The following ARFGEF3 variants were observed in gnomAD, a reference collection of about 807,000 sequenced individuals.
The protein encoded by ARFGEF3 is ARFGEF family member 3, also known as brefeldin A-inhibited guanine nucleotide-exchange protein 3.
ARFGEF3 carries 96 observed loss-of-function variants against 221.7 expected under a neutral mutation model. That is an observed-to-expected ratio of 0.43 (90% CI 0.37 to 0.51). The LOEUF (loss-of-function observed/expected upper bound fraction) is 0.51. Among genes scored for constraint, ARFGEF3 ranks in the 20% least tolerant of loss-of-function variants. The pLI, the probability that ARFGEF3 is intolerant of heterozygous loss-of-function variation, is 0.00. For synonymous variants in ARFGEF3, 1,145 were observed against 1,126.8 expected, an observed-to-expected ratio of 1.02 and a Z score of -0.32; for missense variants, 2,410 against 2,789.9, an observed-to-expected ratio of 0.86 and a Z score of 3.07.
chr6:138,254,243 C>G (rs990848072), intron 9 of ARFGEF3, among the ~76,000 whole-genome samples: 2 of 151,710 alleles, frequency 1.3e-5, no homozygotes, highest in Non-Finnish European at 2.9e-5. Flanking sequence ...ATGATGAAAC[C>G]TCGTCTCTCC....
At chr6:138,279,961 G>A in intron 13 of ARFGEF3, 38 bp from the exon 14 acceptor site, 1 of 1,605,870 alleles carries the variant, frequency 6.2e-7, no homozygotes, top group Non-Finnish European at 8.5e-7. Flanking sequence ...AGTGAGCAGG[G>A]TGTTATGTGG....
chr6:138,163,303 G>A (rs972408392), intron 1 of ARFGEF3, among the ~76,000 whole-genome samples: 5 of 152,136 alleles, frequency 3.3e-5, no homozygotes, highest in East Asian at 1.9e-4. Flanking sequence ...TATTGTCTAG[G>A]AAGTTTGTCT....
intron 5 of ARFGEF3, among the ~76,000 whole-genome samples, chr6:138,233,146 G>A (rs938157875): frequency 1.8e-4 from 28 of 152,064 alleles, no homozygotes; most frequent in African/African-American, 6.8e-4. Flanking sequence ...TAGGGAATAT[G>A]TCACTTTTTC....
At chr6:138,194,431 T>C (rs1055763216) in intron 2 of ARFGEF3, among the ~76,000 whole-genome samples, 1 of 152,214 alleles carries the variant, frequency 6.6e-6, no homozygotes, top group African/African-American at 2.4e-5. Context: ...GGCAGGGTGC[T>C]AACTCCAGAT....
At position 138,190,638 on chromosome 6, in the gene ARFGEF3, A is replaced by G. The variant is rs117165673; in HGVS notation, c.138-16404A>G. On this transcript the variant is annotated intron_variant, in intron 2 of 33. Transcript: ENST00000251691. Reference sequence around the variant, plus strand: ...AAGAGTGAAGGGTACAGATTTTTCTATCTTCTGGAGCCCACGTTCCTGCCC... The same window carrying G: ...AAGAGTGAAGGGTACAGATTTTTCTGTCTTCTGGAGCCCACGTTCCTGCCC... 4.1e-3 allele frequency among the ~76,000 whole-genome samples: 617 copies of G among 152,310 alleles called. 3 individuals are homozygous for G. The highest frequency in any genetic ancestry group is 0.017 in the East Asian group (90 of 5,178).
At chr6:138,318,126 C>G (rs1274370515) in intron 27 of ARFGEF3, among the ~76,000 whole-genome samples, 8 of 152,142 alleles carry the variant, frequency 5.3e-5, no homozygotes, top group Non-Finnish European at 1.2e-4. Context: ...GATACCGTTT[C>G]AAAATCTATA....
rs1464469896 is a variant in ARFGEF3 at position 138,334,893 on chromosome 6, T to C, written c.6047T>C (p.Met2016Thr). Residue 2016 changes from methionine to threonine, a missense_variant, in exon 33 of 34, where the codon ATG becomes ACG. Transcript: ENST00000251691. The surrounding 1 kb of genome is among the most constrained non-coding windows in gnomAD (Gnocchi z 5.1). ...AATGCGGGGAACAAAATCTACACCA[T>C]GGCAGCCGACAAGACCATTTCAAAG... is the stretch of plus-strand genomic sequence containing the variant. ...WENAGNKIYT[M>T]AADKTISKLM... 1 of 1,591,822 alleles carries C rather than the reference T, an allele frequency of 6.3e-7. No homozygotes were observed. The highest frequency in any genetic ancestry group is 2.3e-5 in the East Asian group (1 of 43,770).
chr6:138,328,657 T>C (rs1780168461), intron 32 of ARFGEF3, among the ~76,000 whole-genome samples: 1 of 151,930 alleles, frequency 6.6e-6, no homozygotes, highest in Admixed American at 6.6e-5. Flanking sequence ...GACTTCAACA[T>C]AGGAATTTGG....
intron 4 of ARFGEF3, among the ~76,000 whole-genome samples, chr6:138,211,087 C>T (rs186769444): frequency 6.6e-6 from 1 of 152,146 alleles, no homozygotes. Flanking sequence ...CCTTGATTTC[C>T]TTGTGTGTAA....
intron 2 of ARFGEF3, among the ~76,000 whole-genome samples, chr6:138,184,323 A>T (rs1012779511): frequency 6.6e-6 from 1 of 152,158 alleles, no homozygotes; most frequent in Non-Finnish European, 1.5e-5. Context: ...TCTTATGAAG[A>T]TTACATAAGA....
At chr6:138,303,219 C>T (rs1583057827) in intron 22 of ARFGEF3, among the ~76,000 whole-genome samples, 1 of 151,902 alleles carries the variant, frequency 6.6e-6, no homozygotes, top group Non-Finnish European at 1.5e-5. Flanking sequence ...ATCCCTAGGG[C>T]AGCAACCAAG....
intron 12 of ARFGEF3, among the ~76,000 whole-genome samples, chr6:138,269,315 C>A (rs1398688376): frequency 6.6e-6 from 1 of 152,246 alleles, no homozygotes; most frequent in Non-Finnish European, 1.5e-5. Context: ...GACTACACAA[C>A]CAGGAAGGCA....
At chr6:138,327,874 A>T (rs1780154775) in intron 31 of ARFGEF3, 147 bp from the exon 32 acceptor site, 1 of 618,386 alleles carries the variant, frequency 1.6e-6, no homozygotes, top group Admixed American at 3.0e-5. Flanking sequence ...CATATCAATT[A>T]ACTCTCTCAA....
intron 32 of ARFGEF3, among the ~76,000 whole-genome samples, chr6:138,332,149 A>C (rs1312223433): frequency 6.6e-6 from 1 of 152,206 alleles, no homozygotes; most frequent in Non-Finnish European, 1.5e-5. Flanking sequence ...TCATGCCTTC[A>C]CCAGACTGAT....
intron 22 of ARFGEF3, among the ~76,000 whole-genome samples, chr6:138,302,707 C>T (rs1779648763): frequency 6.6e-6 from 1 of 152,170 alleles, no homozygotes; most frequent in African/African-American, 2.4e-5. Flanking sequence ...ATGCTGACTT[C>T]TTCAGAAAGA....
At chr6:138,323,637 A>AC (rs199863494) in intron 29 of ARFGEF3, 34 bp from the exon 30 acceptor site, 26 of 1,584,492 alleles carry the variant, frequency 1.6e-5, no homozygotes, top group African/African-American at 1.1e-4. Flanking sequence ...AACAACAACA[A>AC]AAAAAAAACT....
At chr6:138,251,502 A>G (rs773302155) in intron 8 of ARFGEF3, among the ~76,000 whole-genome samples, 29 of 152,166 alleles carry the variant, frequency 1.9e-4, no homozygotes, top group Non-Finnish European at 3.8e-4. Flanking sequence ...CTCGTAAAGC[A>G]AACAAATTGA....
At chr6:138,204,915 T>C (rs1202187451) in intron 2 of ARFGEF3, among the ~76,000 whole-genome samples, 1 of 152,180 alleles carries the variant, frequency 6.6e-6, no homozygotes, top group Non-Finnish European at 1.5e-5. Context: ...TGACCATGGC[T>C]TGCATGGGGA....
chr6:138,290,018 A>G lies in ARFGEF3; in HGVS notation c.3047+50A>G, dbSNP rs369023024. On this transcript the variant is annotated intron_variant, in intron 18 of 33. Coordinates refer to ENST00000251691, the MANE Select transcript of ARFGEF3 (RefSeq NM_020340.5). ...GATGGCACTAACCCTGCCTTGGGAA[A>G]CCTGGAGTGGGCTGTGGCAGGTGGA... 41 of 1,562,504 alleles carry G rather than the reference A, an allele frequency of 2.6e-5. 1 individual carries two copies. In the East Asian group the frequency reaches 4.6e-4, roughly 18 times the overall value.
Sources: gnomAD v4.1 joint callset for allele counts (sites outside exome capture counted in the v4.1 genomes callset) on GRCh38, gnomAD v4.1.1 for gene constraint, Gnocchi (gnomAD v3.1) non-coding constraint, MANE v1.5 for transcripts, NCBI Gene and HGNC (gene_info 2026-07-23, HGNC 2026-07-21) for gene names.